The following DMD variants were observed in gnomAD, a reference collection of about 807,000 sequenced individuals.
DMD encodes mutant dystrophin.
Under a neutral mutation model 330.1 loss-of-function variants are expected in DMD, and 63 were observed. That is an observed-to-expected ratio of 0.19 (90% confidence interval 0.16 to 0.24). The LOEUF (loss-of-function observed/expected upper bound fraction) is 0.24. Ranked by LOEUF, DMD falls within the 10% of genes least tolerant of loss-of-function variation. The pLI is 1.00. For missense variants in DMD, 3,344 were observed against 2,684.1 expected (o/e 1.25, Z -5.43); for synonymous variants, 1,223 against 959.8 (o/e 1.27, Z -5.07).
intron 55 of DMD, among the ~76,000 whole-genome samples, chrX:31,622,445 GGATT>G (rs1158443687): frequency 9.0e-6 from 1 of 110,968 alleles, no homozygotes; most frequent in Non-Finnish European, 1.9e-5. Flanking sequence ...TTAAAAATAT[GGATT>G]GATACTCATT....
intron 44 of DMD, among the ~76,000 whole-genome samples, chrX:32,080,530 G>A (rs1029674085): frequency 8.9e-6 from 1 of 112,102 alleles, no homozygotes; most frequent in African/African-American, 3.2e-5. Flanking sequence ...TTTTTCCCCA[G>A]TATTTGAATT....
At chrX:32,846,558 T>A (rs960352947) in intron 3 of DMD, among the ~76,000 whole-genome samples, 2 of 110,170 alleles carry the variant, frequency 1.8e-5, no homozygotes, top group East Asian at 5.7e-4. Context: ...AGTATTGACA[T>A]CTTGTTCCTT....
At chrX:32,854,601 T>C (rs1236502156) in intron 2 of DMD, among the ~76,000 whole-genome samples, 1 of 103,429 alleles carries the variant, frequency 9.7e-6, no homozygotes. Context: ...AAACAATACA[T>C]CTTAAAGAAC....
At chrX:31,344,033 A>G (rs1602015193) in intron 61 of DMD, among the ~76,000 whole-genome samples, 1 of 63,114 alleles carries the variant, frequency 1.6e-5, no homozygotes, top group Non-Finnish European at 2.8e-5. Context: ...CACAGATTGG[A>G]GTGCGGGGGG....
intron 54 of DMD, among the ~76,000 whole-genome samples, chrX:31,646,252 GTT>G (rs1491254110): frequency 6.7e-5 from 6 of 89,766 alleles, no homozygotes; most frequent in Non-Finnish European, 1.3e-4. Flanking sequence ...TGTGTTGTGT[GTT>G]GTGTGTGTGT....
intron 13 of DMD, among the ~76,000 whole-genome samples, 172 bp from the exon 14 acceptor site, chrX:32,574,018 G>C (rs774858022): frequency 3.7e-4 from 41 of 112,248 alleles, no homozygotes; most frequent in Non-Finnish European, 1.1e-4. Context: ...ACTGTCATTT[G>C]TCTTTATCTC....
At chrX:31,340,205 T>G (rs1271687017) in intron 61 of DMD, among the ~76,000 whole-genome samples, 4 of 112,277 alleles carry the variant, frequency 3.6e-5, no homozygotes, top group African/African-American at 1.3e-4. Flanking sequence ...CAGTTAAGAT[T>G]GTAAAGCCTG....
chrX:31,518,974 A>G (rs1160919922), intron 55 of DMD, among the ~76,000 whole-genome samples: 1 of 111,681 alleles, frequency 9.0e-6, no homozygotes, highest in African/African-American at 3.3e-5. Flanking sequence ...CATAATTATA[A>G]TAACTCATTA....
chrX:31,288,530 C>T (rs17283117), intron 62 of DMD, among the ~76,000 whole-genome samples: 10,384 of 111,265 alleles, frequency 0.093, 423 homozygotes, highest in Non-Finnish European at 0.13. Flanking sequence ...TGGGTATGTT[C>T]CCGACAATTT....
chrX:31,335,373 G>T (rs2057358486), intron 61 of DMD, among the ~76,000 whole-genome samples: 2 of 112,204 alleles, frequency 1.8e-5, no homozygotes, highest in Admixed American at 9.5e-5. Context: ...TTCAATCAAG[G>T]CATATCCTGC....
intron 13 of DMD, among the ~76,000 whole-genome samples, chrX:32,594,532 T>C (rs896998547): frequency 5.4e-5 from 6 of 111,454 alleles, no homozygotes; most frequent in African/African-American, 2.0e-4. Context: ...CTGTTTCTCT[T>C]TCCTGTAATT....
Position 32,573,625 on chromosome X carries a change from C to T in DMD, c.1717G>A (p.Ala573Thr), listed in dbSNP as rs1388666944. The T allele has an allele frequency of 8.3e-7, 1 of 1,209,397 alleles. No homozygotes were observed. Among genetic ancestry groups the T allele is most frequent in the South Asian group, 1.8e-5 (1 of 56,959 alleles). ...RLTEEQCLFS[A>T]WLSEKEDAVN... ...GCATCTTCTTTTTCTGAAAGCCATG[C>T]ACTAAAAAGGCACTGCAAGACATTA... Residue 573 changes from alanine to threonine, a missense_variant, in exon 15 of 79, where the codon GCA becomes ACA. Physicochemically the swap from Ala to Thr is moderately conservative, Grantham distance 58. Coordinates refer to ENST00000357033, the MANE Select transcript of DMD (RefSeq NM_004006.3).
At chrX:33,076,934 G>A (rs777789840) in intron 1 of DMD, among the ~76,000 whole-genome samples, 1 of 111,141 alleles carries the variant, frequency 9.0e-6, no homozygotes, top group Admixed American at 9.6e-5. Flanking sequence ...CTTGGTGGGT[G>A]GGGGGAAGCC....
At chrX:32,394,764 A>G (rs1219033568) in intron 30 of DMD, among the ~76,000 whole-genome samples, 2 of 109,049 alleles carry the variant, frequency 1.8e-5, no homozygotes, top group South Asian at 4.1e-4. Context: ...GAGGGCCCAA[A>G]TTATACATCT....
intron 27 of DMD, among the ~76,000 whole-genome samples, chrX:32,446,892 A>G (rs1005481010): frequency 9.9e-5 from 11 of 110,796 alleles, no homozygotes; most frequent in Non-Finnish European, 1.7e-4. Flanking sequence ...TAACTTCAAT[A>G]TGAATAGGGA....
At chrX:32,489,715 G>GA (rs1457681672) in intron 20 of DMD, among the ~76,000 whole-genome samples, 1 of 111,162 alleles carries the variant, frequency 9.0e-6, no homozygotes, top group Non-Finnish European at 1.9e-5. Context: ...TTTTATGCAT[G>GA]AATGTACTGT....
chrX:33,233,814 G>A (rs1050705666), intron 1 of DMD, among the ~76,000 whole-genome samples: 1 of 111,510 alleles, frequency 9.0e-6, no homozygotes, highest in African/African-American at 3.3e-5. Context: ...AGGTAAAACT[G>A]GGAAAATCTG....
intron 1 of DMD, among the ~76,000 whole-genome samples, chrX:33,021,171 TATAA>T (rs1305300189): frequency 1.8e-5 from 2 of 111,181 alleles, no homozygotes; most frequent in African/African-American, 6.5e-5. Context: ...ATGCCTTACA[TATAA>T]ATACTCAAAG....
chrX:33,075,723 A>T (rs1014295525), intron 1 of DMD, among the ~76,000 whole-genome samples: 2 of 112,040 alleles, frequency 1.8e-5, no homozygotes, highest in African/African-American at 6.5e-5. Flanking sequence ...TTATAACTGA[A>T]ATAGTGAAAG....
Sources: allele counts gnomAD v4.1 joint callset (sites outside exome capture counted in the v4.1 genomes callset), GRCh38; gene constraint gnomAD v4.1.1; transcripts MANE v1.5; gene names NCBI Gene and HGNC (gene_info 2026-07-23, HGNC 2026-07-21).